The following TULP4 variants were observed in gnomAD, a reference collection of about 807,000 sequenced individuals.
TULP4 encodes the protein tubby-related protein 4.
Under a neutral mutation model 129.0 loss-of-function variants are expected in TULP4, and 16 were observed. The observed-to-expected ratio is 0.12, with a 90% CI of 0.08 to 0.19. The LOEUF is 0.19. Ranked by LOEUF, TULP4 falls within the 10% of genes least tolerant of loss-of-function variation. The pLI is 1.00. For missense variants in TULP4, 1,842 were observed against 2,059.1 expected (o/e 0.89, Z 2.04); for synonymous variants, 998 against 854.0 (o/e 1.17, Z -2.94).
At chr6:158,446,776 C>CT (rs1366904985) in intron 3 of TULP4, among the ~76,000 whole-genome samples, 1 of 152,182 alleles carries the variant, frequency 6.6e-6, no homozygotes, top group East Asian at 1.9e-4. Context: ...TGACTCCTGG[C>CT]TTGCGTTCTC....
intron 1 of TULP4, among the ~76,000 whole-genome samples, chr6:158,368,747 T>C (rs980478479): frequency 2.0e-5 from 3 of 152,246 alleles, no homozygotes; most frequent in Non-Finnish European, 2.9e-5. Context: ...TGTATGTCAG[T>C]ACCATTTTCA....
rs146133285 is a variant in TULP4 at position 158,394,908 on chromosome 6, A to G, written c.253-18157A>G. ...ATAGGAAGGATGACTGGGAGGCCTC[A>G]GGATACTTGAAATCATGCAGTTGGA... On this transcript the variant is annotated intron_variant, in intron 1 of 13. Transcript: ENST00000367097. Among the ~76,000 whole-genome samples, 171 of 151,766 alleles carry G rather than the reference A, an allele frequency of 1.1e-3. 2 individuals are homozygous for G. The highest frequency in any genetic ancestry group is 6.2e-3 in the East Asian group (32 of 5,146).
At chr6:158,373,475 C>A (rs1777116032) in intron 1 of TULP4, among the ~76,000 whole-genome samples, 1 of 152,232 alleles carries the variant, frequency 6.6e-6, no homozygotes, top group Non-Finnish European at 1.5e-5. Context: ...GCAGTCGAAT[C>A]AGTCATCGTC....
chr6:158,367,582 A>G (rs1240389853), intron 1 of TULP4, among the ~76,000 whole-genome samples: 1 of 152,210 alleles, frequency 6.6e-6, no homozygotes, highest in Non-Finnish European at 1.5e-5. Flanking sequence ...AAACCCTTCC[A>G]CCTTAATAAA....
In TULP4 at chr6:158,489,500, C is replaced by T. The variant is rs188940202; in HGVS notation, c.1487-88C>T. The T allele has an allele frequency of 2.0e-5, 30 of 1,511,644 alleles. No homozygotes were observed. The Admixed American group carries it at 2.7e-4, about 14-fold the overall frequency. The allele number at this position is 1,511,644 out of a possible 1,614,324, so 93.6% of individuals were successfully genotyped here. A position where few individuals can be genotyped will look rare whatever the true frequency, so the allele number is the denominator to read the frequency against. On this transcript the variant is annotated intron_variant, in intron 8 of 13. Coordinates refer to ENST00000367097, the MANE Select transcript of TULP4 (RefSeq NM_020245.5). Reference sequence around the variant, plus strand: ...GTCTAAAATGATGGCCTGTGGAGTCCGTCTGTCTTTTAGTTTATAGTAATG... The same window carrying T: ...GTCTAAAATGATGGCCTGTGGAGTCTGTCTGTCTTTTAGTTTATAGTAATG...
intron 3 of TULP4, among the ~76,000 whole-genome samples, chr6:158,430,816 A>G (rs899439806): frequency 6.6e-6 from 1 of 152,230 alleles, no homozygotes; most frequent in Non-Finnish European, 1.5e-5. Flanking sequence ...TGTGTTTTCC[A>G]TGTATAGCAG....
intron 1 of TULP4, among the ~76,000 whole-genome samples, chr6:158,347,577 A>C (rs2114776595): frequency 6.6e-6 from 1 of 152,362 alleles, no homozygotes; most frequent in African/African-American, 2.4e-5. Context: ...CTGTGCTGTC[A>C]GGCCCTCTTC....
chr6:158,449,014 G>C lies in TULP4; in HGVS notation c.562G>C (p.Asp188His), dbSNP rs748728620. The part of the protein sequence containing the change: ...DDQQVLFGTA[D>H]GQVIVMDCHG... ...ATTGCAGGTGCTGTTTGGCACGGCCGATGGGCAGGTGATTGTCATGGATTG... is the reference window on the plus strand; with the variant it reads ...ATTGCAGGTGCTGTTTGGCACGGCCCATGGGCAGGTGATTGTCATGGATTG... Residue 188 changes from aspartate to histidine, a missense_variant, in exon 4 of 14, where the codon GAT becomes CAT. By Grantham distance (81) the Asp-to-His change is moderately conservative (BLOSUM62 -1). This residue lies in a region of TULP4 where 151 missense variants were observed against 268.7 expected (regional missense o/e 0.56). Coordinates refer to ENST00000367097, the MANE Select transcript of TULP4 (RefSeq NM_020245.5). The C allele has an allele frequency of 6.2e-7, 1 of 1,611,890 alleles. No homozygotes were observed. Among genetic ancestry groups the C allele is most frequent in the African/African-American group, 1.3e-5 (1 of 74,928 alleles).
chr6:158,306,387 T>C (rs1336265291), intron 1 of TULP4, among the ~76,000 whole-genome samples: 1 of 152,180 alleles, frequency 6.6e-6, no homozygotes, highest in Non-Finnish European at 1.5e-5. Context: ...GGAAACCCTG[T>C]CTCTTCAAAA....
In TULP4 at chr6:158,312,476, C is replaced by T. The variant is rs781017866; in HGVS notation, c.-1541C>T. ...AGAAGTGTGATTTCAAACATTGCAG[C>T]GGCTCACACAGTGTTTGTTGCACTT... is the stretch of plus-strand genomic sequence containing the variant. On this transcript the variant is annotated 5_prime_UTR_variant, in exon 1 of 14. Transcript: ENST00000367097. The T allele has an allele frequency of 4.1e-5, 8 of 192,890 alleles. No homozygotes were observed. Among genetic ancestry groups the T allele is most frequent in the East Asian group, 1.2e-4 (1 of 8,614 alleles). The allele number at this position is 192,890 out of a possible 1,614,324, so 11.9% of individuals were successfully genotyped here. A position where few individuals can be genotyped will look rare whatever the true frequency, so the allele number is the denominator to read the frequency against.
chr6:158,452,963 A>G (rs1216322578), intron 5 of TULP4, among the ~76,000 whole-genome samples: 1 of 152,170 alleles, frequency 6.6e-6, no homozygotes, highest in Non-Finnish European at 1.5e-5. Context: ...GAATGGTACA[A>G]GGTAAAAAGG....
chr6:158,253,816 C>T (rs1224029022), intron 1 of TULP4, among the ~76,000 whole-genome samples: 1 of 152,148 alleles, frequency 6.6e-6, no homozygotes, highest in African/African-American at 2.4e-5. Context: ...GGGCGGATCA[C>T]CTGAGATCAG....
At position 158,236,795 on chromosome 6, in the gene TULP4, C is replaced by CTTTTTTTTTTTTTTTTTTT. The variant is rs71030149; in HGVS notation, n.68+4510_68+4528dup. ...AGATGGGTAAATGCCCAATTCTTTT[C>CTTTTTTTTTTTTTTTTTTT]TTTTTTTTTTTTTTTTTTTTTTTTT... On this transcript the variant is annotated intron_variant and non_coding_transcript_variant, in intron 1 of 1. Transcript: ENST00000620026. Among the ~76,000 whole-genome samples, 82 of 63,278 alleles carry CTTTTTTTTTTTTTTTTTTT rather than the reference C, an allele frequency of 1.3e-3. 15 individuals are homozygous for CTTTTTTTTTTTTTTTTTTT. The highest frequency in any genetic ancestry group is 1.7e-3 in the Non-Finnish European group (56 of 32,220). The allele number at this position is 63,278 out of a possible 152,430, so 41.5% of individuals were successfully genotyped here. A position where few individuals can be genotyped will look rare whatever the true frequency, so the allele number is the denominator to read the frequency against.
chr6:158,484,736 A>T (rs1780026627), intron 8 of TULP4, among the ~76,000 whole-genome samples: 1 of 152,228 alleles, frequency 6.6e-6, no homozygotes, highest in Admixed American at 6.5e-5. Flanking sequence ...CTTCACCAGG[A>T]AGCAGGCGTT....
At chr6:158,240,352 C>T in intron 1 of TULP4, among the ~76,000 whole-genome samples, 1 of 81,780 alleles carries the variant, frequency 1.2e-5, no homozygotes, top group Non-Finnish European at 2.7e-5. Flanking sequence ...GGGCTGACTC[C>T]CCCACCTCCC....
At chr6:158,393,558 CA>C (rs1777636943) in intron 1 of TULP4, among the ~76,000 whole-genome samples, 1 of 152,228 alleles carries the variant, frequency 6.6e-6, no homozygotes, top group African/African-American at 2.4e-5. Context: ...TTCCAGACCT[CA>C]ACTATTGCCT....
intron 1 of TULP4, among the ~76,000 whole-genome samples, chr6:158,301,945 T>A (rs1484495338): frequency 6.6e-6 from 1 of 152,250 alleles, no homozygotes; most frequent in Non-Finnish European, 1.5e-5. Flanking sequence ...TCTCCTAATC[T>A]GAACCTTTTG....
chr6:158,470,608 G>C (rs931257145), intron 6 of TULP4, among the ~76,000 whole-genome samples: 2 of 152,174 alleles, frequency 1.3e-5, no homozygotes, highest in African/African-American at 2.4e-5. Flanking sequence ...ATTCTTAGTC[G>C]GCCTAGGAAA....
chr6:158,288,593 C>T (rs1409996299), intron 1 of TULP4, among the ~76,000 whole-genome samples: 1 of 151,982 alleles, frequency 6.6e-6, no homozygotes, highest in African/African-American at 2.4e-5. Context: ...CTCCGCCTCC[C>T]GGGTTCACGC....
Sources: allele counts gnomAD v4.1 joint callset (sites outside exome capture counted in the v4.1 genomes callset), GRCh38; gene constraint gnomAD v4.1.1; regional missense constraint gnomAD v4.1.1; transcripts MANE v1.5; gene names NCBI Gene and HGNC (gene_info 2026-07-23, HGNC 2026-07-21).